Variants in ACO2 observed in about 807,000 individuals in gnomAD.
The protein encoded by ACO2 is aconitate hydratase, mitochondrial.
ACO2 carries 31 observed loss-of-function variants against 84.5 expected under a neutral mutation model. The ratio of observed to expected loss-of-function variants is 0.37; its 90% CI spans 0.28 to 0.50. The LOEUF is 0.50. Ranked by LOEUF, ACO2 falls within the 20% of genes least tolerant of loss-of-function variation. The pLI, the probability that ACO2 is intolerant of heterozygous loss-of-function variation, is 0.97. For synonymous variants in ACO2, 414 were observed against 412.7 expected (o/e 1.00, Z -0.04); for missense variants, 685 against 1,029.3 (o/e 0.67, Z 4.58).
chr22:41,523,326 A>ACG (rs1232047328), intron 11 of ACO2, 48 bp downstream of exon 11: 5 of 1,460,094 alleles, frequency 3.4e-6, no homozygotes, highest in Admixed American at 1.9e-5. Flanking sequence ...CACAGGGTAC[A>ACG]GAGCCCCAGA....
At chr22:41,471,528 C>T (rs921118243) in intron 1 of ACO2, among the ~76,000 whole-genome samples, 7 of 152,168 alleles carry the variant, frequency 4.6e-5, no homozygotes, top group East Asian at 1.9e-4. Context: ...ATTTACTGAG[C>T]GCCCAATGCT....
At chr22:41,520,436 T>TG (rs537811773) in intron 9 of ACO2, among the ~76,000 whole-genome samples, 160 bp downstream of exon 9, 4 of 152,262 alleles carry the variant, frequency 2.6e-5, no homozygotes, top group Admixed American at 2.6e-4. Context: ...CCAGAAGTGG[T>TG]GGCTCATGCT....
rs554462107 is a variant in ACO2, at chr22:41,496,722, A to G, written c.37-3004A>G. 5.9e-5 allele frequency among the ~76,000 whole-genome samples: 9 copies of G among 152,298 alleles called. No individual in the cohort carries two copies. In the East Asian group the frequency reaches 1.7e-3, roughly 29 times the overall value. On this transcript the variant is annotated intron_variant, in intron 1 of 17. Transcript: ENST00000216254. ...GTTCTTTGCACCTACCCAGTGAGGC[A>G]GGCAGTGAGGAGCCATCAGTCAGGT...
chr22:41,495,548 C>T (rs756105468), intron 1 of ACO2, among the ~76,000 whole-genome samples: 37 of 152,154 alleles, frequency 2.4e-4, no homozygotes, highest in Admixed American at 1.6e-3. Flanking sequence ...TGCCTTTTCC[C>T]GGTACTATAG....
At position 41,515,752 on chromosome 22, in the gene ACO2, C is replaced by T. The variant is rs781380563; in HGVS notation, c.685-15C>T. 6.2e-7 allele frequency: 1 copy of T among 1,612,796 alleles called. No homozygotes were observed. The highest frequency in any genetic ancestry group is 1.1e-5 in the South Asian group (1 of 91,016). Reference sequence around the variant, plus strand: ...CACACGGCCTCTCACAGCCGCCTCGCCCCCTCCTGTCCAGGTGATTGGCGT... The same window carrying T: ...CACACGGCCTCTCACAGCCGCCTCGTCCCCTCCTGTCCAGGTGATTGGCGT... On this transcript the variant is annotated splice_polypyrimidine_tract_variant and intron_variant, in intron 5 of 17. Coordinates refer to ENST00000216254, the MANE Select transcript of ACO2 (RefSeq NM_001098.3). This position sits in a 1 kb window ranked among gnomAD's most constrained non-coding sequence, Gnocchi z 5.8.
At chr22:41,524,823 C>A (rs1477776420) in intron 12 of ACO2, 23 bp from the exon 13 acceptor site, 6 of 1,614,010 alleles carry the variant, frequency 3.7e-6, no homozygotes, top group Admixed American at 1.7e-5. Flanking sequence ...TGCTGACCAA[C>A]AAACTGGCCA....
intron 9 of ACO2, among the ~76,000 whole-genome samples, chr22:41,522,024 C>T (rs1360819038): frequency 2.0e-5 from 3 of 152,198 alleles, no homozygotes; most frequent in African/African-American, 4.8e-5. Context: ...CTGCCTGCCT[C>T]GGCCTCTCAA....
At chr22:41,520,843 G>GAAAA (rs148408618) in intron 9 of ACO2, among the ~76,000 whole-genome samples, 1 of 127,998 alleles carries the variant, frequency 7.8e-6, no homozygotes. Context: ...CTCCGTCTCA[G>GAAAA]AAAAAAAAAA....
intron 1 of ACO2, among the ~76,000 whole-genome samples, chr22:41,472,169 A>G (rs933913702): frequency 1.3e-5 from 2 of 152,116 alleles, no homozygotes; most frequent in African/African-American, 4.8e-5. Context: ...CCTGGCCAAT[A>G]TGGTGAAACC....
intron 4 of ACO2, among the ~76,000 whole-genome samples, chr22:41,513,208 G>A (rs1166777469): frequency 6.6e-6 from 1 of 152,238 alleles, no homozygotes; most frequent in Non-Finnish European, 1.5e-5. Context: ...CAATGCAGGT[G>A]TCTCCCTTTC....
At position 41,493,356 on chromosome 22, in the gene ACO2, A is replaced by AT. The variant is rs111903475; in HGVS notation, c.37-6368dup. Among the ~76,000 whole-genome samples, 215 of 151,298 alleles carry AT rather than the reference A, an allele frequency of 1.4e-3. 3 individuals carry two copies. The highest frequency in any genetic ancestry group is 4.8e-3 in the African/African-American group (196 of 41,166). On this transcript the variant is annotated intron_variant, in intron 1 of 17. Transcript: ENST00000216254. Reference sequence around the variant, plus strand: ...TTCTTGCCCATGTGTAGAGAATGAAATTAAAAAAAAAAAATACAGGGTAAG... The same window carrying AT: ...TTCTTGCCCATGTGTAGAGAATGAAATTTAAAAAAAAAAAATACAGGGTAAG...
chr22:41,525,816 G>A (rs2066581937), intron 14 of ACO2: 1 of 203,968 alleles, frequency 4.9e-6, no homozygotes, highest in Non-Finnish European at 9.9e-6. Flanking sequence ...TGTGGCCAGA[G>A]GCCTCCAATC....
At position 41,520,289 on chromosome 22, in the gene ACO2, C is replaced by T. The variant is rs766316694; in HGVS notation, c.1138+13C>T. The T allele has an allele frequency of 1.9e-6, 3 of 1,607,162 alleles. No individual in the cohort carries two copies. In the East Asian group the frequency reaches 6.7e-5, roughly 36 times the overall value. ...GACATCCGAGTGGGTGAGCACCTTC[C>T]ACCCCATCTGTTTAGCAGGTCTCAG... On this transcript the variant is annotated intron_variant, in intron 9 of 17. Coordinates refer to ENST00000216254, the MANE Select transcript of ACO2 (RefSeq NM_001098.3).
intron 1 of ACO2, among the ~76,000 whole-genome samples, chr22:41,470,301 A>G (rs2037928804): frequency 6.6e-6 from 1 of 152,214 alleles, no homozygotes; most frequent in Non-Finnish European, 1.5e-5. Flanking sequence ...CAACTTTGAT[A>G]ATAGAATTTT....
intron 3 of ACO2, among the ~76,000 whole-genome samples, chr22:41,508,521 G>A (rs2066410867): frequency 6.6e-6 from 1 of 152,254 alleles, no homozygotes; most frequent in African/African-American, 2.4e-5. Context: ...CATCATACTT[G>A]AGTTCTGTAA....
At chr22:41,516,808 C>T (rs557921465) in intron 6 of ACO2, among the ~76,000 whole-genome samples, 64 of 152,272 alleles carry the variant, frequency 4.2e-4, no homozygotes, top group African/African-American at 1.5e-3. Flanking sequence ...CTACAACCTC[C>T]GCCTCCTGGG....
At chr22:41,513,212 C>A in intron 4 of ACO2, among the ~76,000 whole-genome samples, 1 of 152,214 alleles carries the variant, frequency 6.6e-6, no homozygotes, top group East Asian at 1.9e-4. Flanking sequence ...GCAGGTGTCT[C>A]CCTTTCTACC....
At chr22:41,526,507 A>G in intron 15 of ACO2, 54 bp downstream of exon 15, 1 of 1,562,138 alleles carries the variant, frequency 6.4e-7, no homozygotes, top group Non-Finnish European at 8.7e-7. Flanking sequence ...AGGGGCCTGC[A>G]AGGCAGGTGC....
intron 15 of ACO2, chr22:41,526,894 A>AC: frequency 6.1e-6 from 2 of 326,968 alleles, no homozygotes; most frequent in Middle Eastern, 9.5e-4. Context: ...GGACTCTGGC[A>AC]CCCCCTGGTG....
Sources: allele counts gnomAD v4.1 joint callset (sites outside exome capture counted in the v4.1 genomes callset), GRCh38; gene constraint gnomAD v4.1.1; non-coding constraint Gnocchi (gnomAD v3.1); transcripts MANE v1.5; gene names NCBI Gene and HGNC (gene_info 2026-07-23, HGNC 2026-07-21).